NSG1: variants seen among roughly 807,000 people sequenced by gnomAD.
The protein encoded by NSG1 is neuronal vesicle trafficking associated 1, also known as neuronal vesicle trafficking-associated protein 1.
Under a neutral mutation model 19.3 loss-of-function variants are expected in NSG1, and 9 were observed. That is an observed-to-expected ratio of 0.47 (90% CI 0.28 to 0.81). NSG1 has a LOEUF of 0.81. NSG1 is among the 40% of genes least tolerant of loss of function. The pLI is 0.11. For synonymous variants in NSG1, 104 were observed against 107.0 expected (o/e 0.97, Z 0.17); for missense variants, 236 against 242.4 (o/e 0.97, Z 0.18).
intron 1 of NSG1, 43 bp from the exon 2 acceptor site, chr4:4,387,561 C>CGGGGGGGGGTGTGG: frequency 4.4e-6 from 5 of 1,141,988 alleles, no homozygotes; most frequent in Non-Finnish European, 6.2e-6. Context: ...CGCCCCGCCC[C>CGGGGGGGGGTGTGG]GGGTCTTGCT....
At position 4,418,977 on chromosome 4, in the gene NSG1, A is replaced by G. The variant is rs1426984455; in HGVS notation, c.*1542A>G. ...AGAGGCCGAGCCTGTATTTCCAGGT[A>G]GACGTGGACTTTATTGACTGTGAAT... is the stretch of plus-strand genomic sequence containing the variant. On this transcript the variant is annotated 3_prime_UTR_variant, in exon 5 of 5. Transcript: ENST00000621129. 6.6e-6 allele frequency: 1 copy of G among 152,234 alleles called. No homozygotes were observed. Among genetic ancestry groups the G allele is most frequent in the East Asian group, 1.9e-4 (1 of 5,198 alleles). 9.4% of individuals were successfully genotyped at this position (152,234 alleles called of 1,614,324 possible).
At position 4,391,096 on chromosome 4, in the gene NSG1, C is replaced by T. The variant is rs1722965153; in HGVS notation, c.130-379C>T. The stretch of plus-strand genomic sequence containing the variant: ...TGGCACAGCAAGGCCAGTGAAAAGG[C>T]AGGTGCAGCCTCCCAGCTTCCTGGG... On this transcript the variant is annotated intron_variant, in intron 2 of 4. Transcript: ENST00000621129. 2.0e-5 allele frequency among the ~76,000 whole-genome samples: 3 copies of T among 152,224 alleles called. No individual in the cohort carries two copies. In the South Asian group the frequency reaches 6.2e-4, roughly 32 times the overall value.
At chr4:4,415,854 G>A in intron 4 of NSG1, 2 of 501,140 alleles carry the variant, frequency 4.0e-6, no homozygotes, top group Non-Finnish European at 7.2e-6. Flanking sequence ...CAGCGTGAAG[G>A]GGCGTGGCGG....
intron 3 of NSG1, among the ~76,000 whole-genome samples, chr4:4,403,974 G>A (rs895418853): frequency 5.3e-5 from 8 of 152,214 alleles, no homozygotes; most frequent in African/African-American, 1.7e-4. Context: ...GGCTACATGC[G>A]GGAGGCATCT....
At position 4,410,987 on chromosome 4, in the gene NSG1, A is replaced by G. The variant is rs188088658; in HGVS notation, c.357+1304A>G. Among the ~76,000 whole-genome samples the G allele has an allele frequency of 4.1e-3, 631 of 152,194 alleles. 25 individuals are homozygous for G. The highest frequency in any genetic ancestry group is 0.036 in the Admixed American group (557 of 15,286). On this transcript the variant is annotated intron_variant, in intron 4 of 4. Transcript: ENST00000621129. ...ATTCTTCTGCCTCAGTCTCCTGAGT[A>G]GCTGGGATTATAGGTGTGCGCCACC... is the stretch of plus-strand genomic sequence containing the variant.
chr4:4,402,415 T>C (rs1723610484), intron 3 of NSG1, among the ~76,000 whole-genome samples: 1 of 112,002 alleles, frequency 8.9e-6, no homozygotes, highest in Non-Finnish European at 1.7e-5. Context: ...TGAGACGGAG[T>C]CTTGCTCTGT....
intron 4 of NSG1, chr4:4,416,246 C>A: frequency 1.4e-6 from 1 of 701,238 alleles, no homozygotes; most frequent in East Asian, 2.7e-5. Flanking sequence ...TCTCCTGTAG[C>A]GCCGCCCTCC....
intron 3 of NSG1, among the ~76,000 whole-genome samples, chr4:4,402,304 C>T (rs1057322966): frequency 4.7e-5 from 7 of 147,612 alleles, no homozygotes; most frequent in East Asian, 2.0e-4. Context: ...CTCCCGGGTT[C>T]GAATGATTCT....
intron 3 of NSG1, among the ~76,000 whole-genome samples, chr4:4,404,218 G>T (rs2108743054): frequency 6.6e-6 from 1 of 152,342 alleles, no homozygotes; most frequent in African/African-American, 2.4e-5. Flanking sequence ...CAATGACAAG[G>T]CGTTTGTTAT....
intron 2 of NSG1, among the ~76,000 whole-genome samples, chr4:4,390,752 G>A (rs150751332): frequency 1.5e-3 from 235 of 152,320 alleles, no homozygotes; most frequent in South Asian, 0.012. Flanking sequence ...AGGCAGCGCC[G>A]CTGAGGCCAG....
At chr4:4,411,013 AC>A (rs1724150062) in intron 4 of NSG1, among the ~76,000 whole-genome samples, 1 of 151,766 alleles carries the variant, frequency 6.6e-6, no homozygotes, top group Non-Finnish European at 1.5e-5. Context: ...GTGCGCCACC[AC>A]CCGGCTAATT....
At chr4:4,402,368 G>GTTTTTT (rs1560143233) in intron 3 of NSG1, among the ~76,000 whole-genome samples, 6 of 99,594 alleles carry the variant, frequency 6.0e-5, no homozygotes, top group African/African-American at 2.5e-4. Flanking sequence ...ACCACGCCTG[G>GTTTTTT]TTATTTTTTT....
At chr4:4,398,556 A>T (rs183321331) in intron 3 of NSG1, among the ~76,000 whole-genome samples, 142 of 152,322 alleles carry the variant, frequency 9.3e-4, no homozygotes, top group Non-Finnish European at 1.8e-3. Context: ...GTGACCATCT[A>T]TCTGGCCTCT....
chr4:4,396,753 G>A (rs112852819), intron 3 of NSG1, among the ~76,000 whole-genome samples: 1 of 141,060 alleles, frequency 7.1e-6, no homozygotes. Context: ...TCCTGCGTGC[G>A]CATCTGTTTC....
chr4:4,392,720 G>A (rs967731184), intron 3 of NSG1, among the ~76,000 whole-genome samples: 10 of 152,324 alleles, frequency 6.6e-5, no homozygotes, highest in Admixed American at 5.2e-4. Context: ...TCCCATGAGT[G>A]TTGCTGTGGG....
At chr4:4,391,427 G>A in intron 2 of NSG1, 48 bp from the exon 3 acceptor site, 1 of 1,302,900 alleles carries the variant, frequency 7.7e-7, no homozygotes, top group Non-Finnish European at 1.1e-6. Flanking sequence ...TCTTTGGGCA[G>A]ATATGTCTGA....
At chr4:4,406,744 C>G (rs1723879727) in intron 3 of NSG1, among the ~76,000 whole-genome samples, 2 of 152,190 alleles carry the variant, frequency 1.3e-5, no homozygotes, top group Non-Finnish European at 1.5e-5. Context: ...CTGCTATTCA[C>G]AGGCTGGAGC....
intron 3 of NSG1, among the ~76,000 whole-genome samples, chr4:4,408,586 T>C (rs1420098761): frequency 2.0e-5 from 3 of 152,218 alleles, no homozygotes; most frequent in Admixed American, 1.3e-4. Context: ...TCAGCTTTCC[T>C]GAGTAGCTGG....
At chr4:4,402,986 T>G (rs1176433900) in intron 3 of NSG1, among the ~76,000 whole-genome samples, 1 of 152,228 alleles carries the variant, frequency 6.6e-6, no homozygotes, top group East Asian at 1.9e-4. Flanking sequence ...TCCTGCAAAC[T>G]AAATCCACGT....
Sources: gnomAD v4.1 joint callset for allele counts (sites outside exome capture counted in the v4.1 genomes callset) on GRCh38, gnomAD v4.1.1 for gene constraint, MANE v1.5 for transcripts, NCBI Gene and HGNC (gene_info 2026-07-23, HGNC 2026-07-21) for gene names.